KLHL32: variants seen among roughly 807,000 people sequenced by gnomAD.
The protein encoded by KLHL32 is kelch like family member 32.
Under a neutral mutation model 64.8 loss-of-function variants are expected in KLHL32, and 35 were observed. That is an observed-to-expected ratio of 0.54 (90% CI 0.41 to 0.72). The LOEUF (loss-of-function observed/expected upper bound fraction) is 0.72, where lower values mean the gene tolerates loss of function less well. Ranked by LOEUF, KLHL32 falls within the 30% of genes least tolerant of loss-of-function variation. KLHL32 has a pLI of 0.00. For missense variants in KLHL32, 589 were observed against 768.5 expected, an observed-to-expected ratio of 0.77 and a Z score of 2.76; for synonymous variants, 259 against 281.0, an observed-to-expected ratio of 0.92 and a Z score of 0.78.
At chr6:97,053,616 A>C (rs1005276302) in intron 4 of KLHL32, among the ~76,000 whole-genome samples, 3 of 151,982 alleles carry the variant, frequency 2.0e-5, no homozygotes, top group Non-Finnish European at 4.4e-5. Context: ...TCGGATGCCC[A>C]TTTTCTTCAG....
At chr6:96,997,362 C>A (rs1778519503) in intron 3 of KLHL32, among the ~76,000 whole-genome samples, 1 of 152,082 alleles carries the variant, frequency 6.6e-6, no homozygotes, top group Admixed American at 6.6e-5. Flanking sequence ...CCTCCCAAAC[C>A]CCTCTCCAGA....
intron 3 of KLHL32, among the ~76,000 whole-genome samples, chr6:97,031,047 C>T (rs1204103966): frequency 1.3e-5 from 2 of 152,148 alleles, no homozygotes; most frequent in African/African-American, 4.8e-5. Flanking sequence ...AAAAATATTA[C>T]TGCTGGTCTC....
At chr6:97,053,341 C>G (rs963605511) in intron 4 of KLHL32, among the ~76,000 whole-genome samples, 1 of 152,162 alleles carries the variant, frequency 6.6e-6, no homozygotes, top group Admixed American at 6.5e-5. Context: ...CCCATTAGCT[C>G]TGCCTATGAA....
At chr6:97,055,353 AG>A (rs1787623846) in intron 4 of KLHL32, among the ~76,000 whole-genome samples, 1 of 152,142 alleles carries the variant, frequency 6.6e-6, no homozygotes, top group African/African-American at 2.4e-5. Flanking sequence ...TTACAGTGGG[AG>A]GGGTATCCCT....
intron 6 of KLHL32, among the ~76,000 whole-genome samples, chr6:97,096,363 A>G (rs1041054471): frequency 5.8e-4 from 89 of 152,302 alleles, no homozygotes; most frequent in African/African-American, 2.1e-3. Flanking sequence ...TGCAGCACTG[A>G]CCTAAATCAT....
intron 1 of KLHL32, among the ~76,000 whole-genome samples, chr6:96,946,955 G>A (rs1771996587): frequency 1.3e-5 from 2 of 152,110 alleles, no homozygotes; most frequent in Non-Finnish European, 2.9e-5. Context: ...TTAACAGTGG[G>A]CACATATTTA....
At chr6:96,956,028 G>C (rs898438141) in intron 1 of KLHL32, among the ~76,000 whole-genome samples, 1 of 152,114 alleles carries the variant, frequency 6.6e-6, no homozygotes, top group Non-Finnish European at 1.5e-5. Context: ...TCATGTGGCT[G>C]GTGAGGCCTC....
chr6:96,992,459 C>T (rs1777995054), intron 3 of KLHL32, among the ~76,000 whole-genome samples: 1 of 152,244 alleles, frequency 6.6e-6, no homozygotes, highest in South Asian at 2.1e-4. Context: ...ACTCACTACT[C>T]TCTTCTCTCT....
intron 1 of KLHL32, among the ~76,000 whole-genome samples, chr6:96,955,428 T>C (rs1259805248): frequency 6.6e-6 from 1 of 152,232 alleles, no homozygotes; most frequent in Non-Finnish European, 1.5e-5. Context: ...TTGTTCTCTT[T>C]GATCTTGGGG....
At chr6:96,950,874 TTA>T (rs1479645807) in intron 1 of KLHL32, among the ~76,000 whole-genome samples, 1 of 152,182 alleles carries the variant, frequency 6.6e-6, no homozygotes, top group Non-Finnish European at 1.5e-5. Flanking sequence ...GAAGACATTC[TTA>T]TATCTGAGAG....
intron 6 of KLHL32, among the ~76,000 whole-genome samples, chr6:97,112,371 G>A (rs950623618): frequency 6.6e-6 from 1 of 152,042 alleles, no homozygotes; most frequent in Admixed American, 6.6e-5. Flanking sequence ...GGGAAGGTTT[G>A]CCAAACTTAA....
Position 97,095,070 on chromosome 6 carries a change from A to G in KLHL32, c.627+9729A>G, listed in dbSNP as rs1054656510. ...AATTTGTAATTCTACGTGAATTACA[A>G]TGTAATTTGGCATTAATTATACTAA... On this transcript the variant is annotated intron_variant, in intron 6 of 10. Transcript: ENST00000369261. Among the ~76,000 whole-genome samples the G allele has an allele frequency of 4.6e-5, 7 of 152,232 alleles. No individual in the cohort carries two copies. In the East Asian group the frequency reaches 1.3e-3, roughly 29 times the overall value.
chr6:97,052,663 C>T (rs1787127131), intron 4 of KLHL32, among the ~76,000 whole-genome samples: 1 of 152,160 alleles, frequency 6.6e-6, no homozygotes, highest in Admixed American at 6.5e-5. Context: ...TATTGCCCAC[C>T]CTCCTGGGAG....
intron 6 of KLHL32, among the ~76,000 whole-genome samples, chr6:97,108,205 G>A (rs1421816581): frequency 1.3e-5 from 2 of 152,074 alleles, no homozygotes; most frequent in Non-Finnish European, 2.9e-5. Flanking sequence ...AATGCTGCAT[G>A]CTCCATTTTC....
At chr6:96,991,863 C>T (rs1312794022) in intron 3 of KLHL32, among the ~76,000 whole-genome samples, 2 of 151,956 alleles carry the variant, frequency 1.3e-5, no homozygotes, top group Non-Finnish European at 2.9e-5. Context: ...GTAGCAGGGG[C>T]GGGGGACGGC....
At chr6:96,992,208 G>A (rs561532770) in intron 3 of KLHL32, among the ~76,000 whole-genome samples, 6 of 152,360 alleles carry the variant, frequency 3.9e-5, no homozygotes, top group Admixed American at 2.6e-4. Flanking sequence ...GCCGGTGTCC[G>A]GTACCAGGGG....
At chr6:96,953,085 C>T (rs1430570526) in intron 1 of KLHL32, among the ~76,000 whole-genome samples, 1 of 152,172 alleles carries the variant, frequency 6.6e-6, no homozygotes, top group African/African-American at 2.4e-5. Flanking sequence ...TTGGCTAGCT[C>T]TACATTAATT....
At chr6:97,052,326 G>A (rs958810458) in intron 4 of KLHL32, among the ~76,000 whole-genome samples, 1 of 152,082 alleles carries the variant, frequency 6.6e-6, no homozygotes, top group Admixed American at 6.5e-5. Context: ...GATCCCAGGT[G>A]GCATGTGACA....
the KLHL32 span, among the ~76,000 whole-genome samples, chr6:96,911,824 CTTTTTTTTTTTTTT>C: frequency 3.7e-5 from 2 of 54,078 alleles, no homozygotes; most frequent in African/African-American, 7.2e-5. Context: ...CTCGGTCCTT[CTTTTTTTTTTTTTT>C]TTTTTTTTTT....
Sources: allele counts gnomAD v4.1 joint callset (sites outside exome capture counted in the v4.1 genomes callset), GRCh38; gene constraint gnomAD v4.1.1; transcripts MANE v1.5; gene names NCBI Gene and HGNC (gene_info 2026-07-23, HGNC 2026-07-21).